Variants in MOXD1 observed in about 807,000 individuals in gnomAD.
The protein encoded by MOXD1 is monooxygenase DBH like 1.
A neutral mutation model predicts 66.6 loss-of-function variants in MOXD1; 62 were observed. That is an observed-to-expected ratio of 0.93 (90% CI 0.76 to 1.15). The LOEUF (loss-of-function observed/expected upper bound fraction) is 1.15. MOXD1 is among the 50% of genes most tolerant of loss of function. The pLI, the probability that MOXD1 is intolerant of heterozygous loss-of-function variation, is 0.00. For missense variants in MOXD1, 847 were observed against 754.6 expected (o/e 1.12, Z -1.44); for synonymous variants, 303 against 281.9 (o/e 1.07, Z -0.75).
intron 4 of MOXD1, among the ~76,000 whole-genome samples, chr6:132,357,228 T>A (rs1775925711): frequency 6.6e-6 from 1 of 152,134 alleles, no homozygotes; most frequent in African/African-American, 2.4e-5. Context: ...TCTTAGCACT[T>A]GGAGTAAATA....
At position 132,328,353 on chromosome 6, in the gene MOXD1, A is replaced by G. The variant is rs576772098; in HGVS notation, c.843+62T>C. The G allele has an allele frequency of 5.7e-6, 9 of 1,578,704 alleles. No homozygotes were observed. The East Asian group carries it at 2.0e-4, about 36-fold the overall frequency. On this transcript the variant is annotated intron_variant, in intron 5 of 11. Transcript: ENST00000367963. ...TTACTTCTAAGTATTAATTAGAATC[A>G]TATTTGTGGCGGGAAATATGATCAG... is the stretch of plus-strand genomic sequence containing the variant.
At chr6:132,337,929 A>G (rs964697067) in intron 4 of MOXD1, among the ~76,000 whole-genome samples, 1 of 152,210 alleles carries the variant, frequency 6.6e-6, no homozygotes, top group African/African-American at 2.4e-5. Context: ...GTATATGGCC[A>G]GCAAGAAGTA....
chr6:132,328,484 A>G lies in MOXD1; in HGVS notation c.774T>C (p.Tyr258=), dbSNP rs539937218. The G allele has an allele frequency of 1.3e-4, 208 of 1,614,146 alleles. 2 individuals are homozygous for G. The South Asian group carries it at 2.1e-3, about 16-fold the overall frequency. ...GGAATGCATCGGGCATGTTGGGGTGATAGCACTCGTGGCCGGACTCCAGAA... is the reference window on the plus strand; with the variant it reads ...GGAATGCATCGGGCATGTTGGGGTGGTAGCACTCGTGGCCGGACTCCAGAA... ...DSVLESGHEC[Y]HPNMPDAFLT... Residue 258 remains tyrosine (Y), a synonymous_variant, in exon 5 of 12, where the codon TAT becomes TAC. Coordinates refer to ENST00000367963, the MANE Select transcript of MOXD1 (RefSeq NM_015529.4).
intron 9 of MOXD1, among the ~76,000 whole-genome samples, chr6:132,318,908 T>G: frequency 6.6e-6 from 1 of 152,018 alleles, no homozygotes; most frequent in East Asian, 1.9e-4. Flanking sequence ...CATCCTTTAA[T>G]AAAAAGTTTA....
At chr6:132,330,798 C>T (rs1483057176) in intron 4 of MOXD1, among the ~76,000 whole-genome samples, 1 of 152,124 alleles carries the variant, frequency 6.6e-6, no homozygotes, top group African/African-American at 2.4e-5. Context: ...CACAGTTTTT[C>T]TCTTTTCTGT....
chr6:132,319,378 T>G (rs1775026885), intron 9 of MOXD1, among the ~76,000 whole-genome samples: 1 of 151,988 alleles, frequency 6.6e-6, no homozygotes, highest in Non-Finnish European at 1.5e-5. Context: ...AGCCTTTCTA[T>G]CCATGAACAC....
At chr6:132,342,738 G>A (rs1444346727) in intron 4 of MOXD1, among the ~76,000 whole-genome samples, 1 of 152,204 alleles carries the variant, frequency 6.6e-6, no homozygotes, top group Admixed American at 6.5e-5. Flanking sequence ...AGTTCATACA[G>A]AGTAGATATA....
At chr6:132,303,906 T>G (rs1395591702) in intron 10 of MOXD1, among the ~76,000 whole-genome samples, 4 of 122,338 alleles carry the variant, frequency 3.3e-5, no homozygotes, top group East Asian at 2.9e-4. Context: ...CTTAGGACAA[T>G]TCTCTGGGTG....
chr6:132,349,221 A>G (rs1378479600), intron 4 of MOXD1, among the ~76,000 whole-genome samples: 2 of 150,302 alleles, frequency 1.3e-5, no homozygotes, highest in African/African-American at 2.5e-5. Flanking sequence ...ATCAGTGAGA[A>G]CATACAATAT....
chr6:132,334,888 G>A (rs1775404316), intron 4 of MOXD1, among the ~76,000 whole-genome samples: 1 of 152,170 alleles, frequency 6.6e-6, no homozygotes, highest in Admixed American at 6.5e-5. Flanking sequence ...TACACTTGGT[G>A]GCATCTTATT....
chr6:132,361,318 C>CAAA (rs202139650), intron 4 of MOXD1, among the ~76,000 whole-genome samples: 14 of 133,778 alleles, frequency 1.0e-4, no homozygotes, highest in African/African-American at 3.8e-4. Flanking sequence ...CCATTTTCAC[C>CAAA]AAAAAAAAAA....
chr6:132,374,669 C>G lies in MOXD1; in HGVS notation c.373G>C (p.Glu125Gln), dbSNP rs375048235. Residue 125 changes from glutamate (E) to glutamine (Q), a missense_variant, in exon 2 of 12, where the codon GAG becomes CAG. Glu to Gln is a conservative substitution (Grantham distance 29, BLOSUM62 2). Transcript: ENST00000367963. ...STHTIIEFTR[E>Q]LHTCDINDKS... ...TCATTTATGTCACATGTATGCAGCT[C>G]TCTGGTAAATTCAATTATTGTGTGT... 3.1e-6 allele frequency: 5 copies of G among 1,613,846 alleles called. No homozygotes were observed. Among genetic ancestry groups the G allele is most frequent in the Admixed American group, 1.7e-5 (1 of 60,004 alleles).
intron 1 of MOXD1, among the ~76,000 whole-genome samples, chr6:132,384,241 T>TTC (rs1288363456): frequency 1.8e-5 from 2 of 112,408 alleles, no homozygotes; most frequent in Admixed American, 9.9e-5. Context: ...TCCCTCCCTC[T>TTC]CTTCCTTCCT....
intron 9 of MOXD1, among the ~76,000 whole-genome samples, chr6:132,318,155 C>T (rs941296107): frequency 6.6e-5 from 10 of 151,808 alleles, no homozygotes; most frequent in Non-Finnish European, 1.2e-4. Context: ...TTATATGTTA[C>T]TATGAATAGT....
At chr6:132,332,105 C>T (rs1018143770) in intron 4 of MOXD1, among the ~76,000 whole-genome samples, 2 of 152,156 alleles carry the variant, frequency 1.3e-5, no homozygotes, top group Admixed American at 1.3e-4. Flanking sequence ...GAAGACAGAC[C>T]CATGGCCTTT....
intron 4 of MOXD1, among the ~76,000 whole-genome samples, chr6:132,361,536 T>C (rs774746571): frequency 6.6e-6 from 1 of 152,184 alleles, no homozygotes; most frequent in Non-Finnish European, 1.5e-5. Context: ...CTAGGTGCCA[T>C]AAAATGTAAC....
intron 4 of MOXD1, among the ~76,000 whole-genome samples, chr6:132,354,686 G>A (rs1014128934): frequency 6.6e-6 from 1 of 152,210 alleles, no homozygotes; most frequent in Non-Finnish European, 1.5e-5. Context: ...GTACGAAGAG[G>A]AAGTGGTGGT....
chr6:132,327,211 C>T (rs758591148), intron 6 of MOXD1, among the ~76,000 whole-genome samples: 2 of 152,206 alleles, frequency 1.3e-5, no homozygotes, highest in African/African-American at 2.4e-5. Flanking sequence ...TAAATACTCT[C>T]ATAGTGTTAG....
At chr6:132,327,908 TC>T in intron 6 of MOXD1, 104 bp downstream of exon 6, 3 of 830,456 alleles carry the variant, frequency 3.6e-6, no homozygotes, top group Non-Finnish European at 5.9e-6. Context: ...ATAGGTTAAT[TC>T]CTTCTAACAC....
Sources: allele counts gnomAD v4.1 joint callset (sites outside exome capture counted in the v4.1 genomes callset), GRCh38; gene constraint gnomAD v4.1.1; transcripts MANE v1.5; gene names NCBI Gene and HGNC (gene_info 2026-07-23, HGNC 2026-07-21).